The following MIS18A variants were observed in gnomAD, a reference collection of about 807,000 sequenced individuals.
MIS18A encodes the protein MIS18 kinetochore protein A.
In MIS18A, 14 loss-of-function variants were observed where a neutral mutation model predicts 25.0. The observed-to-expected ratio is 0.56, with a 90% CI of 0.37 to 0.88. MIS18A has a LOEUF of 0.88. MIS18A is among the 40% of genes least tolerant of loss of function. MIS18A has a pLI of 0.00. For synonymous variants in MIS18A, 134 were observed against 118.6 expected, an observed-to-expected ratio of 1.13 and a Z score of -0.84; for missense variants, 292 against 290.8, an observed-to-expected ratio of 1.00 and a Z score of -0.03.
At chr21:32,229,546 C>T in the MIS18A span, among the ~76,000 whole-genome samples, 1 of 152,198 alleles carries the variant, frequency 6.6e-6, no homozygotes, top group African/African-American at 2.4e-5. Flanking sequence ...TGTTTCATGG[C>T]ATCTCTTTGC....
the MIS18A span, among the ~76,000 whole-genome samples, chr21:32,202,502 T>G: frequency 6.6e-6 from 1 of 152,200 alleles, no homozygotes; most frequent in African/African-American, 2.4e-5. Flanking sequence ...ATGTACCATC[T>G]TAACCATTTC....
rs2031877494 is a variant in MIS18A at position 32,278,929 on chromosome 21, G to A, written c.86C>T (p.Ser29Leu). 6 of 1,613,518 alleles carry A rather than the reference G, an allele frequency of 3.7e-6. No homozygotes were observed. The East Asian group carries it at 1.3e-4, about 36-fold the overall frequency. ...CGDKGKCSDS[S>L]LLGKRLSEDS... Reference sequence around the variant, plus strand: ...TTCGGAGAGTCTCTTGCCCAACAGCGAGGAGTCGCTGCATTTGCCCTTGTC... The same window carrying A: ...TTCGGAGAGTCTCTTGCCCAACAGCAAGGAGTCGCTGCATTTGCCCTTGTC... Residue 29 changes from serine to leucine, a missense_variant, in exon 1 of 5, where the codon TCG becomes TTG. Coordinates refer to ENST00000290130, the MANE Select transcript of MIS18A (RefSeq NM_018944.3).
chr21:32,243,011 GAAGGATGGCTT>G, the MIS18A span, among the ~76,000 whole-genome samples: 1 of 152,182 alleles, frequency 6.6e-6, no homozygotes, highest in Admixed American at 6.6e-5. Context: ...TTCACTGGAA[GAAGGATGGCTT>G]TCCAACAAAC....
At chr21:32,263,112 T>G in the MIS18A span, among the ~76,000 whole-genome samples, 1 of 152,232 alleles carries the variant, frequency 6.6e-6, no homozygotes, top group Non-Finnish European at 1.5e-5. Context: ...CTCCCTTAGT[T>G]CAAAAGTCAT....
the MIS18A span, among the ~76,000 whole-genome samples, chr21:32,175,533 G>A: frequency 6.6e-6 from 1 of 150,962 alleles, no homozygotes; most frequent in Non-Finnish European, 1.5e-5. Flanking sequence ...ACACCGGCTG[G>A]GCACAATGGC....
chr21:32,221,208 A>C, the MIS18A span, among the ~76,000 whole-genome samples: 2 of 152,028 alleles, frequency 1.3e-5, no homozygotes, highest in Admixed American at 1.3e-4. Flanking sequence ...AATGAGGAAA[A>C]AATGTTAAGG....
the MIS18A span, among the ~76,000 whole-genome samples, chr21:32,216,637 T>C: frequency 6.6e-6 from 1 of 152,234 alleles, no homozygotes; most frequent in African/African-American, 2.4e-5. Flanking sequence ...AAATGCCACA[T>C]ATATGCATAG....
chr21:32,263,672 A>C (rs2833749), downstream of MIS18A, among the ~76,000 whole-genome samples: 4,448 of 152,232 alleles, frequency 0.029, 210 homozygotes, highest in African/African-American at 0.1. Context: ...AGACGTACTA[A>C]ACGAAAAGAT....
chr21:32,235,819 G>T, the MIS18A span, among the ~76,000 whole-genome samples: 1 of 152,108 alleles, frequency 6.6e-6, no homozygotes, highest in African/African-American at 2.4e-5. Context: ...CTAAGGGAAG[G>T]ACATCTGCAG....
At chr21:32,273,827 T>A (rs1170440715) in intron 2 of MIS18A, among the ~76,000 whole-genome samples, 1 of 152,226 alleles carries the variant, frequency 6.6e-6, no homozygotes, top group Non-Finnish European at 1.5e-5. Context: ...CATAATTAAT[T>A]TTTGTTTAAC....
chr21:32,203,312 GA>G, the MIS18A span, among the ~76,000 whole-genome samples: 3 of 151,720 alleles, frequency 2.0e-5, no homozygotes, highest in Admixed American at 1.3e-4. Flanking sequence ...TAAAACTTAA[GA>G]AAATTAGTTT....
the MIS18A span, among the ~76,000 whole-genome samples, chr21:32,226,738 C>T: frequency 6.6e-6 from 1 of 152,126 alleles, no homozygotes; most frequent in African/African-American, 2.4e-5. Context: ...TTGAACAGTA[C>T]TATGAACCAA....
the MIS18A span, among the ~76,000 whole-genome samples, chr21:32,156,832 C>T: frequency 6.6e-6 from 1 of 151,458 alleles, no homozygotes; most frequent in Non-Finnish European, 1.5e-5. Flanking sequence ...CCCTTAACCC[C>T]CAAATTGACC....
chr21:32,187,725 A>T, the MIS18A span, among the ~76,000 whole-genome samples: 13 of 152,170 alleles, frequency 8.5e-5, no homozygotes, highest in African/African-American at 2.9e-4. Flanking sequence ...AGGGGGTGGG[A>T]GATGACGAAG....
chr21:32,160,548 A>G, the MIS18A span, among the ~76,000 whole-genome samples: 1 of 152,134 alleles, frequency 6.6e-6, no homozygotes, highest in African/African-American at 2.4e-5. Context: ...ACATCAATCA[A>G]CATACATAAG....
the MIS18A span, among the ~76,000 whole-genome samples, chr21:32,182,336 C>T: frequency 6.6e-6 from 1 of 152,172 alleles, no homozygotes; most frequent in Non-Finnish European, 1.5e-5. Context: ...ATTTATCTGG[C>T]AGGAAATACT....
At chr21:32,246,094 C>T in the MIS18A span, among the ~76,000 whole-genome samples, 1 of 152,134 alleles carries the variant, frequency 6.6e-6, no homozygotes, top group Non-Finnish European at 1.5e-5. Flanking sequence ...ATCTCACAAA[C>T]GGACTCGCTC....
the MIS18A span, among the ~76,000 whole-genome samples, chr21:32,240,177 A>G: frequency 2.0e-5 from 3 of 152,234 alleles, no homozygotes; most frequent in Non-Finnish European, 4.4e-5. Context: ...ACATCAACCA[A>G]TTACATGATG....
At chr21:32,196,139 C>T in the MIS18A span, among the ~76,000 whole-genome samples, 2 of 152,096 alleles carry the variant, frequency 1.3e-5, no homozygotes, top group African/African-American at 2.4e-5. Flanking sequence ...TGAGAGTGTT[C>T]TGGAGGGGAT....
Sources: gnomAD v4.1 joint callset for allele counts (sites outside exome capture counted in the v4.1 genomes callset) on GRCh38, gnomAD v4.1.1 for gene constraint, MANE v1.5 for transcripts, NCBI Gene and HGNC (gene_info 2026-07-23, HGNC 2026-07-21) for gene names.